The following SERAC1 variants were observed in gnomAD, a reference collection of about 807,000 sequenced individuals.
SERAC1 encodes protein SERAC1.
A neutral mutation model predicts 85.7 loss-of-function variants in SERAC1; 36 were observed. That is an observed-to-expected ratio of 0.42 (90% CI 0.32 to 0.55). SERAC1 has a LOEUF of 0.55. Among genes scored for constraint, SERAC1 ranks in the 20% least tolerant of loss-of-function variants. SERAC1 has a pLI of 0.11. For missense variants in SERAC1, 629 were observed against 796.2 expected (o/e 0.79, Z 2.53); for synonymous variants, 242 against 265.3 (o/e 0.91, Z 0.85).
At position 158,146,901 on chromosome 6, in the gene SERAC1, G is replaced by A; in HGVS notation, c.368C>T (p.Thr123Ile). 1 of 1,613,130 alleles carries A rather than the reference G, an allele frequency of 6.2e-7. No individual in the cohort carries two copies. The highest frequency in any genetic ancestry group is 1.1e-5 in the South Asian group (1 of 91,018). Residue 123 changes from threonine (T) to isoleucine (I), a missense_variant, in exon 6 of 17, where the codon ACA becomes ATA. Coordinates refer to ENST00000647468, the MANE Select transcript of SERAC1 (RefSeq NM_032861.4). ...LRNPFADPFS[T>I]VDIEDHECAV... ...ACACTCATGATCTTCTATATCAACT[G>A]TACTAAAAGGATCTTTGCAAAAAGA...
chr6:158,158,165 T>C (rs947470118), intron 2 of SERAC1, 108 bp downstream of exon 2: 29 of 734,872 alleles, frequency 3.9e-5, no homozygotes, highest in Admixed American at 3.0e-4. Context: ...ATAAACAAAT[T>C]TGAGATTTAA....
At chr6:158,131,394 TATATA>T (rs1039560766) in intron 8 of SERAC1, among the ~76,000 whole-genome samples, 18 of 147,148 alleles carry the variant, frequency 1.2e-4, no homozygotes, top group East Asian at 5.9e-4. Context: ...ATATGTAAAT[TATATA>T]ATATATTTAT....
At chr6:158,144,946 T>C (rs1309943993) in intron 6 of SERAC1, among the ~76,000 whole-genome samples, 3 of 152,166 alleles carry the variant, frequency 2.0e-5, no homozygotes, top group Non-Finnish European at 4.4e-5. Context: ...ATAATGGCAG[T>C]TTATAACCTG....
chr6:158,150,705 T>G lies in SERAC1; in HGVS notation c.129-116A>C. The G allele has an allele frequency of 1.9e-5, 14 of 748,188 alleles. No homozygotes were observed. In the South Asian group the frequency reaches 2.4e-4, roughly 13 times the overall value. 46.3% of individuals were successfully genotyped at this position (748,188 alleles called of 1,614,324 possible). A position where few individuals can be genotyped will look rare whatever the true frequency, so the allele number is the denominator to read the frequency against. On this transcript the variant is annotated intron_variant, in intron 3 of 16. Coordinates refer to ENST00000647468, the MANE Select transcript of SERAC1 (RefSeq NM_032861.4). ...TTCTTTTTTGTTGGGAAACATAACA[T>G]GTATACAGTAATATGCATATAACAT...
At chr6:158,157,840 C>A (rs980138807) in intron 2 of SERAC1, among the ~76,000 whole-genome samples, 3 of 152,146 alleles carry the variant, frequency 2.0e-5, no homozygotes, top group Non-Finnish European at 4.4e-5. Flanking sequence ...CCAACCGGGC[C>A]TAGGGTGTCA....
At chr6:158,146,937 A>G (rs2128421065) in intron 5 of SERAC1, 24 bp from the exon 6 acceptor site, 1 of 1,608,978 alleles carries the variant, frequency 6.2e-7, no homozygotes, top group East Asian at 2.2e-5. Flanking sequence ...AAAAGCCAAG[A>G]CAATGTGAAA....
At position 158,114,990 on chromosome 6, in the gene SERAC1, A is replaced by G. The variant is rs1016684353; in HGVS notation, c.1502-19T>C. On this transcript the variant is annotated intron_variant, in intron 14 of 16. Transcript: ENST00000647468. Reference sequence around the variant, plus strand: ...AGAAGACCTAGCCACAGACAAGGGAAAAAAACAATGCATAAGCTATTTTCC... The same window carrying G: ...AGAAGACCTAGCCACAGACAAGGGAGAAAAACAATGCATAAGCTATTTTCC... 2.5e-6 allele frequency: 4 copies of G among 1,596,862 alleles called. No individual in the cohort carries two copies. Among genetic ancestry groups the G allele is most frequent in the Non-Finnish European group, 3.4e-6 (4 of 1,173,602 alleles).
intron 16 of SERAC1, chr6:158,113,228 CATCTA>C: frequency 2.0e-6 from 1 of 489,582 alleles, no homozygotes; most frequent in Non-Finnish European, 3.6e-6. Flanking sequence ...TAACCCTTCT[CATCTA>C]ATCAGTTACA....
intron 8 of SERAC1, among the ~76,000 whole-genome samples, chr6:158,141,636 CT>C (rs1784917845): frequency 6.6e-6 from 1 of 152,172 alleles, no homozygotes; most frequent in Admixed American, 6.5e-5. Flanking sequence ...AGAACCAGAT[CT>C]CCTTGGAGAA....
chr6:158,126,942 A>G (rs1299604430), intron 10 of SERAC1, among the ~76,000 whole-genome samples: 2 of 151,870 alleles, frequency 1.3e-5, no homozygotes, highest in Non-Finnish European at 2.9e-5. Context: ...AGTCCCAGCT[A>G]CTCGGGAGGC....
chr6:158,145,533 T>C (rs1785034393), intron 6 of SERAC1, among the ~76,000 whole-genome samples: 1 of 151,362 alleles, frequency 6.6e-6, no homozygotes, highest in Non-Finnish European at 1.5e-5. Context: ...TTTTTTTTTT[T>C]TTTTTTTGAG....
chr6:158,123,602 G>A lies in SERAC1; in HGVS notation c.1016-3027C>T, dbSNP rs115475964. 3.9e-3 allele frequency among the ~76,000 whole-genome samples: 593 copies of A among 152,284 alleles called. 6 individuals are homozygous for A. Among genetic ancestry groups the A allele is most frequent in the African/African-American group, 0.014 (568 of 41,552 alleles). On this transcript the variant is annotated intron_variant, in intron 10 of 16. Transcript: ENST00000647468. ...ACATAATTGCTGAGCAATATTGAAG[G>A]TTCTTTAATTTGTGATCTCATAAGC...
intron 10 of SERAC1, among the ~76,000 whole-genome samples, chr6:158,123,559 A>C (rs748027830): frequency 6.6e-6 from 1 of 152,232 alleles, no homozygotes; most frequent in African/African-American, 2.4e-5. Flanking sequence ...AAGAATGTTA[A>C]GGTAGCTGAT....
At chr6:158,145,069 C>G (rs1785022192) in intron 6 of SERAC1, among the ~76,000 whole-genome samples, 1 of 152,098 alleles carries the variant, frequency 6.6e-6, no homozygotes, top group Admixed American at 6.5e-5. Context: ...CATGGTGAAA[C>G]CCTGTCTCTA....
intron 8 of SERAC1, among the ~76,000 whole-genome samples, chr6:158,134,634 A>G (rs1388598251): frequency 6.6e-6 from 1 of 152,126 alleles, no homozygotes; most frequent in Non-Finnish European, 1.5e-5. Flanking sequence ...TGAGAGGAAG[A>G]AGAAAGCTTT....
intron 15 of SERAC1, 143 bp downstream of exon 15, chr6:158,114,646 C>A: frequency 7.1e-7 from 1 of 1,417,764 alleles, no homozygotes; most frequent in South Asian, 1.7e-5. Flanking sequence ...TCAAGCCCAA[C>A]CCAAAATTTC....
At chr6:158,157,369 A>G (rs1172445661) in intron 2 of SERAC1, among the ~76,000 whole-genome samples, 1 of 152,186 alleles carries the variant, frequency 6.6e-6, no homozygotes, top group South Asian at 2.1e-4. Context: ...CCAAAATGAC[A>G]TTTGTCCTCA....
At chr6:158,129,095 A>T (rs975913240) in intron 9 of SERAC1, among the ~76,000 whole-genome samples, 2 of 152,184 alleles carry the variant, frequency 1.3e-5, no homozygotes, top group Non-Finnish European at 2.9e-5. Context: ...ATCAAGTGAG[A>T]TCTGCAATAA....
In SERAC1 at chr6:158,144,990, T is replaced by C. The variant is rs1404386453; in HGVS notation, c.488-570A>G. ...CAGTCGCCATGGTTCAGGCCTGTAA[T>C]ACCAGCACTTTGGGAAGCCGAGGCG... On this transcript the variant is annotated intron_variant, in intron 6 of 16. Transcript: ENST00000647468. Among the ~76,000 whole-genome samples the C allele has an allele frequency of 2.6e-5, 4 of 152,168 alleles. No homozygotes were observed. In the East Asian group the frequency reaches 7.7e-4, roughly 29 times the overall value.
Sources: allele counts gnomAD v4.1 joint callset (sites outside exome capture counted in the v4.1 genomes callset), GRCh38; gene constraint gnomAD v4.1.1; transcripts MANE v1.5; gene names NCBI Gene and HGNC (gene_info 2026-07-23, HGNC 2026-07-21).